The following TMCO4 variants were observed in gnomAD, a reference collection of about 807,000 sequenced individuals.
The protein encoded by TMCO4 is transmembrane and coiled-coil domains 4.
TMCO4 carries 58 observed loss-of-function variants against 64.7 expected under a neutral mutation model. The observed-to-expected ratio is 0.90, with a 90% CI of 0.73 to 1.12. TMCO4 has a LOEUF of 1.12. Among genes scored for constraint, TMCO4 ranks in the 50% most tolerant of loss-of-function variants. The probability of loss-of-function intolerance (pLI) is 0.00; values close to 1 mark genes in which losing one functional copy is unlikely to be tolerated. For missense variants in TMCO4, 780 were observed against 825.9 expected, an observed-to-expected ratio of 0.94 and a Z score of 0.68; for synonymous variants, 325 against 346.1, an observed-to-expected ratio of 0.94 and a Z score of 0.68.
intron 8 of TMCO4, among the ~76,000 whole-genome samples, chr1:19,746,934 A>AAAC (rs1224636290): frequency 3.4e-5 from 5 of 148,950 alleles, no homozygotes; most frequent in Non-Finnish European, 5.9e-5. Flanking sequence ...AAAAAAAAAA[A>AAAC]AAAAAAAAAA....
intron 1 of TMCO4, among the ~76,000 whole-genome samples, chr1:19,798,579 A>G (rs1355990580): frequency 2.0e-5 from 3 of 152,112 alleles, no homozygotes; most frequent in Non-Finnish European, 4.4e-5. Flanking sequence ...GCCTGATCCC[A>G]CTCAGTTACA....
intron 6 of TMCO4, among the ~76,000 whole-genome samples, chr1:19,761,542 C>T (rs2042506931): frequency 1.3e-5 from 2 of 152,212 alleles, no homozygotes; most frequent in South Asian, 2.1e-4. Context: ...CAAGGAGAGA[C>T]CTTTAAAGCC....
chr1:19,730,672 C>T (rs1056924858), intron 13 of TMCO4, among the ~76,000 whole-genome samples: 1 of 152,186 alleles, frequency 6.6e-6, no homozygotes, highest in African/African-American at 2.4e-5. Flanking sequence ...GGAGCCACCC[C>T]TGGTGTTTGC....
chr1:19,747,828 T>C (rs1313595641), intron 7 of TMCO4, among the ~76,000 whole-genome samples: 1 of 152,164 alleles, frequency 6.6e-6, no homozygotes, highest in African/African-American at 2.4e-5. Context: ...AGGTGTGCCC[T>C]GAGAACTGCT....
chr1:19,770,505 G>A (rs968825577), intron 6 of TMCO4, 37 bp downstream of exon 6: 1 of 1,613,044 alleles, frequency 6.2e-7, no homozygotes, highest in Non-Finnish European at 8.5e-7. Context: ...GTGCAGATGG[G>A]TACCCACCAT....
intron 6 of TMCO4, among the ~76,000 whole-genome samples, chr1:19,760,917 G>C (rs2042473249): frequency 6.6e-6 from 1 of 152,242 alleles, no homozygotes; most frequent in African/African-American, 2.4e-5. Flanking sequence ...AAATGCAGGG[G>C]ACAGTTCTGC....
Position 19,755,640 on chromosome 1 carries a change from T to C in TMCO4, c.509A>G (p.Glu170Gly), listed in dbSNP as rs774873549. 1.9e-6 allele frequency: 3 copies of C among 1,613,864 alleles called. No individual in the cohort carries two copies. The highest frequency in any genetic ancestry group is 2.2e-5 in the East Asian group (1 of 44,878). The change falls in exon 7 of 16, where the codon GAA (glutamate) becomes GGA (glycine). Residue 170 changes from glutamate (E) to glycine (G), a missense_variant. Physicochemically the swap from Glu to Gly is moderately conservative, Grantham distance 98. Coordinates refer to ENST00000294543, the MANE Select transcript of TMCO4 (RefSeq NM_181719.7). ...GGTCGCGGGGCTCTCTTACTCAGAT[T>C]CCTCTTCTTTGATTTCCTTCAGGCT... ...LESLKEIKEE[E>G]SEMAEASRKK...
intron 7 of TMCO4, among the ~76,000 whole-genome samples, chr1:19,755,351 C>T (rs1297254808): frequency 1.3e-5 from 2 of 152,212 alleles, no homozygotes; most frequent in Non-Finnish European, 2.9e-5. Context: ...GTCTCGAACT[C>T]CTGACCTCAA....
chr1:19,687,592 A>G (rs573154486), intron 15 of TMCO4, among the ~76,000 whole-genome samples: 1 of 152,332 alleles, frequency 6.6e-6, no homozygotes, highest in South Asian at 2.1e-4. Flanking sequence ...TGGGAGCCCA[A>G]GATGGCTGCT....
intron 3 of TMCO4, among the ~76,000 whole-genome samples, chr1:19,783,799 T>C (rs2043600936): frequency 6.6e-6 from 1 of 152,126 alleles, no homozygotes; most frequent in Non-Finnish European, 1.5e-5. Flanking sequence ...TTTCCCCTGT[T>C]TCAGATGGAG....
chr1:19,707,998 C>T (rs923208426), intron 13 of TMCO4, among the ~76,000 whole-genome samples: 11 of 152,126 alleles, frequency 7.2e-5, no homozygotes, highest in Admixed American at 7.2e-4. Context: ...AATCACCAAT[C>T]GCCTCCCACC....
chr1:19,711,091 TAGCTGC>T (rs1357668588), intron 13 of TMCO4, among the ~76,000 whole-genome samples: 7 of 152,234 alleles, frequency 4.6e-5, no homozygotes, highest in Non-Finnish European at 1.0e-4. Context: ...TTGAGAAATA[TAGCTGC>T]TGGTAAGCTG....
At chr1:19,729,823 T>C (rs1243245709) in intron 13 of TMCO4, among the ~76,000 whole-genome samples, 7 of 152,198 alleles carry the variant, frequency 4.6e-5, no homozygotes, top group Non-Finnish European at 1.0e-4. Flanking sequence ...TTATTGTTCA[T>C]AACACAAAGG....
Position 19,740,875 on chromosome 1 carries a change from G to A in TMCO4, c.944C>T (p.Ala315Val), listed in dbSNP as rs766731725. The change falls in exon 11 of 16, where the codon GCC becomes GTC. Residue 315 changes from alanine to valine, a missense_variant. Ala to Val is a moderately conservative substitution (Grantham distance 64). Coordinates refer to ENST00000294543, the MANE Select transcript of TMCO4 (RefSeq NM_181719.7). ...ATTGCCGAGCTCCATCAGGTACTTG[G>A]CTTCCCAGGCCAGGCAGTACTGCTC... ...SREQYCLAWE[A>V]KYLMELGNAL... The A allele has an allele frequency of 1.3e-5, 21 of 1,614,022 alleles. No individual in the cohort carries two copies. In the South Asian group the frequency reaches 2.0e-4, roughly 15 times the overall value.
intron 6 of TMCO4, among the ~76,000 whole-genome samples, chr1:19,759,083 CAG>C (rs1447467918): frequency 8.6e-6 from 1 of 116,250 alleles, no homozygotes; most frequent in Non-Finnish European, 1.6e-5. Context: ...GCCTGGGCAA[CAG>C]AGAGAGACTC....
intron 6 of TMCO4, among the ~76,000 whole-genome samples, chr1:19,757,858 C>A (rs977416048): frequency 1.3e-5 from 2 of 152,168 alleles, no homozygotes; most frequent in African/African-American, 4.8e-5. Flanking sequence ...AGGTCAAATT[C>A]TTTGTGACTC....
chr1:19,716,377 C>T (rs147038344), intron 13 of TMCO4, among the ~76,000 whole-genome samples: 5 of 133,460 alleles, frequency 3.7e-5, no homozygotes, highest in Middle Eastern at 3.8e-3. Flanking sequence ...TTTCTTTTTT[C>T]TTTCTTTTTT....
intron 6 of TMCO4, among the ~76,000 whole-genome samples, chr1:19,765,121 G>A (rs1011175548): frequency 2.6e-5 from 4 of 152,124 alleles, no homozygotes; most frequent in Admixed American, 1.3e-4. Flanking sequence ...AAATCATGAC[G>A]CAGTTTAAGT....
intron 10 of TMCO4, among the ~76,000 whole-genome samples, chr1:19,742,395 C>T (rs924468271): frequency 2.0e-5 from 3 of 152,148 alleles, no homozygotes; most frequent in Non-Finnish European, 4.4e-5. Flanking sequence ...GACAGCTTCC[C>T]GGGGCAGCCT....
Sources: allele counts gnomAD v4.1 joint callset (sites outside exome capture counted in the v4.1 genomes callset), GRCh38; gene constraint gnomAD v4.1.1; transcripts MANE v1.5; gene names NCBI Gene and HGNC (gene_info 2026-07-23, HGNC 2026-07-21).